Variants in AMDHD1 observed in about 807,000 individuals in gnomAD.
AMDHD1 encodes amidohydrolase domain containing 1.
Under a neutral mutation model 44.1 loss-of-function variants are expected in AMDHD1, and 45 were observed. The ratio of observed to expected loss-of-function variants is 1.02; its 90% CI spans 0.80 to 1.31. The LOEUF (loss-of-function observed/expected upper bound fraction) is 1.31. AMDHD1 is among the 50% of genes most tolerant of loss of function. The probability of loss-of-function intolerance (pLI) is 0.00; values close to 1 mark genes in which losing one functional copy is unlikely to be tolerated. For missense variants in AMDHD1, 586 were observed against 552.1 expected (o/e 1.06, Z -0.61); for synonymous variants, 206 against 205.0 (o/e 1.00, Z -0.04).
At position 95,966,329 on chromosome 12, in the gene AMDHD1, T is replaced by A. The variant is rs1289045535; in HGVS notation, c.1033-19T>A. 6.2e-7 allele frequency: 1 copy of A among 1,612,402 alleles called. No individual in the cohort carries two copies. The highest frequency in any genetic ancestry group is 8.5e-7 in the Non-Finnish European group (1 of 1,178,680). Reference sequence around the variant, plus strand: ...GCCATATGTCACTTTCCTCCAACACTTTTCTCTTCCTGCCTTAGCCAATGG... The same window carrying A: ...GCCATATGTCACTTTCCTCCAACACATTTCTCTTCCTGCCTTAGCCAATGG... On this transcript the variant is annotated intron_variant, in intron 7 of 8. Transcript: ENST00000266736.
In AMDHD1 at chr12:95,962,385, A is replaced by G; in HGVS notation, c.844A>G (p.Ser282Gly). Residue 282 changes from serine to glycine, a missense_variant, in exon 6 of 9, where the codon AGC (serine) becomes GGC (glycine). Physicochemically the swap from Ser to Gly is moderately conservative, Grantham distance 56. Coordinates refer to ENST00000266736, the MANE Select transcript of AMDHD1 (RefSeq NM_152435.3). ...GGCTGAACTGGGAGCGCAGGCAATC[A>G]GCCACCTGGAAGAAGTGAGTGATGA... ...LGAELGAQAI[S>G]HLEEVSDEGI... is the part of the protein sequence containing the mutation. The G allele has an allele frequency of 6.2e-7, 1 of 1,613,892 alleles. No homozygotes were observed. The highest frequency in any genetic ancestry group is 8.5e-7 in the Non-Finnish European group (1 of 1,179,904).
chr12:95,955,316 T>A (rs2080544738), intron 3 of AMDHD1, among the ~76,000 whole-genome samples: 1 of 152,212 alleles, frequency 6.6e-6, no homozygotes, highest in African/African-American at 2.4e-5. Context: ...AATATGTTAC[T>A]AATCACAAAA....
intron 1 of AMDHD1, among the ~76,000 whole-genome samples, chr12:95,948,340 G>A (rs2080510089): frequency 1.5e-5 from 1 of 68,546 alleles, no homozygotes; most frequent in African/African-American, 7.7e-5. Flanking sequence ...CCGGCCAGCC[G>A]CCCCGTCTGG....
intron 6 of AMDHD1, among the ~76,000 whole-genome samples, chr12:95,963,981 A>T (rs1471347177): frequency 6.7e-6 from 1 of 148,644 alleles, no homozygotes; most frequent in Non-Finnish European, 1.5e-5. Flanking sequence ...GGGAGCCAAG[A>T]TCATACCTCT....
chr12:95,961,991 T>C (rs1016884768), intron 5 of AMDHD1, among the ~76,000 whole-genome samples: 1 of 152,224 alleles, frequency 6.6e-6, no homozygotes, highest in African/African-American at 2.4e-5. Context: ...ATTTAGGCCA[T>C]GCTCGGTGGC....
At position 95,962,448 on chromosome 12, in the gene AMDHD1, A is replaced by G. The variant is rs139550888; in HGVS notation, c.907A>G (p.Ile303Val). The G allele has an allele frequency of 4.3e-6, 7 of 1,613,670 alleles. No individual in the cohort carries two copies. Among genetic ancestry groups the G allele is most frequent in the Admixed American group, 3.3e-5 (2 of 59,944 alleles). The change falls in exon 6 of 9, where the codon ATC becomes GTC. Residue 303 changes from isoleucine to valine, a missense_variant. Transcript: ENST00000266736. ...VAMATARCSAILLPTTAYMLR... is the reference protein window; with the variant it reads ...VAMATARCSAVLLPTTAYMLR... ...CATGGCAACGGCCAGGTGCTCTGCC[A>G]TCCTTCTGCCCACCACAGCCTACAT...
chr12:95,962,471 C>T lies in AMDHD1; in HGVS notation c.930C>T (p.Tyr310=). The T allele has an allele frequency of 6.2e-7, 1 of 1,603,552 alleles. No individual in the cohort carries two copies. Among genetic ancestry groups the T allele is most frequent in the Non-Finnish European group, 8.5e-7 (1 of 1,176,994 alleles). Residue 310 remains tyrosine (Y), a synonymous_variant, in exon 6 of 9, where the codon TAC becomes TAT. Transcript: ENST00000266736. ...CSAILLPTTA[Y]MLRLKQPRAR... The stretch of plus-strand genomic sequence containing the variant: ...CCATCCTTCTGCCCACCACAGCCTA[C>T]ATGCTGAGGTAAGGTCGTTTCTCAC...
intron 7 of AMDHD1, 53 bp from the exon 8 acceptor site, chr12:95,966,295 A>G: frequency 6.3e-7 from 1 of 1,598,398 alleles, no homozygotes; most frequent in Middle Eastern, 1.7e-4. Flanking sequence ...AATGTTTTAA[A>G]TTGCAGTTGC....
chr12:95,954,444 T>C (rs2080540000), intron 2 of AMDHD1, among the ~76,000 whole-genome samples: 5 of 151,916 alleles, frequency 3.3e-5, no homozygotes, highest in Admixed American at 3.3e-4. Context: ...GGTGCATGAC[T>C]ATAGTCCCAG....
intron 1 of AMDHD1, among the ~76,000 whole-genome samples, chr12:95,948,102 C>T (rs1592820776): frequency 8.1e-5 from 6 of 74,008 alleles, no homozygotes; most frequent in African/African-American, 3.0e-4. Flanking sequence ...TCTGCCCGGC[C>T]GCCCCTACTG....
At position 95,944,327 on chromosome 12, in the gene AMDHD1, TTTTATTTATTTA is replaced by T. The variant is rs34358106; in HGVS notation, c.137+828_137+839del. Among the ~76,000 whole-genome samples, 1,183 of 141,638 alleles carry T rather than the reference TTTTATTTATTTA, an allele frequency of 8.4e-3. 3 individuals are homozygous for T. Among genetic ancestry groups the T allele is most frequent in the Middle Eastern group, 0.011 (3 of 278 alleles). 92.9% of individuals were successfully genotyped at this position (141,638 alleles called of 152,430 possible). ...TTTAAGGGACTGTGGGTTGGTTTAA[TTTTATTTATTTA>T]TTTATTTATTTATTTATTTATTTAT... On this transcript the variant is annotated intron_variant, in intron 1 of 8. Coordinates refer to ENST00000266736, the MANE Select transcript of AMDHD1 (RefSeq NM_152435.3).
At chr12:95,955,125 A>G in intron 3 of AMDHD1, 150 bp downstream of exon 3, 1 of 753,972 alleles carries the variant, frequency 1.3e-6, no homozygotes, top group Non-Finnish European at 2.2e-6. Flanking sequence ...ACAAATGACA[A>G]CAAAACTTAT....
chr12:95,961,092 C>T (rs1473264748), intron 5 of AMDHD1, among the ~76,000 whole-genome samples: 1 of 142,690 alleles, frequency 7.0e-6, no homozygotes, highest in African/African-American at 2.7e-5. Flanking sequence ...TTGCAGTGAG[C>T]CGAGATCATG....
rs2080515048 is a variant in AMDHD1, at chr12:95,949,151, AAAAAAAAAG to A, written c.138-3557_138-3549del. Among the ~76,000 whole-genome samples, 6 of 18,552 alleles carry A rather than the reference AAAAAAAAAG, an allele frequency of 3.2e-4. 1 individual carries two copies. The highest frequency in any genetic ancestry group is 1.3e-3 in the Admixed American group (2 of 1,534). 12.2% of individuals were successfully genotyped at this position (18,552 alleles called of 152,430 possible). A position where few individuals can be genotyped will look rare whatever the true frequency, so the allele number is the denominator to read the frequency against. ...ATAAAAAAATAAATTAAAAAAAAAAAAAAAAAAAGAAAAAAAAAAAAAAAAAAGAGACTG... is the reference window on the plus strand; with the variant it reads ...ATAAAAAAATAAATTAAAAAAAAAAAAAAAAAAAAAAAAAAAAAGAGACTG... On this transcript the variant is annotated intron_variant, in intron 1 of 8. Transcript: ENST00000266736.
At chr12:95,953,105 A>G (rs2080532464) in intron 2 of AMDHD1, among the ~76,000 whole-genome samples, 1 of 152,240 alleles carries the variant, frequency 6.6e-6, no homozygotes, top group Non-Finnish European at 1.5e-5. Flanking sequence ...GTTCCTAAAC[A>G]GGAAACAGAC....
Position 95,962,355 on chromosome 12 carries a change from C to G in AMDHD1, c.814C>G (p.Leu272Val). The G allele has an allele frequency of 6.2e-7, 1 of 1,612,962 alleles. No homozygotes were observed. Among genetic ancestry groups the G allele is most frequent in the Non-Finnish European group, 8.5e-7 (1 of 1,179,274 alleles). ...TTCCCTCTCTGCCCATTCTCCTTAG[C>G]TTGGGGCTGAACTGGGAGCGCAGGC... ...DELHPMKAAE[L>V]GAELGAQAIS... The change falls in exon 6 of 9, where the codon CTT becomes GTT. Residue 272 changes from leucine (L) to valine (V), a missense_variant and splice_region_variant. Coordinates refer to ENST00000266736, the MANE Select transcript of AMDHD1 (RefSeq NM_152435.3).
In AMDHD1 at chr12:95,948,744, A is replaced by G. The variant is rs1340274378; in HGVS notation, c.138-3973A>G. Among the ~76,000 whole-genome samples, 4 of 60,450 alleles carry G rather than the reference A, an allele frequency of 6.6e-5. 2 individuals are homozygous for G. Among genetic ancestry groups the G allele is most frequent in the Non-Finnish European group, 1.1e-4 (4 of 35,078 alleles). The allele number at this position is 60,450 out of a possible 152,430, so 39.7% of individuals were successfully genotyped here. A position where few individuals can be genotyped will look rare whatever the true frequency, so the allele number is the denominator to read the frequency against. ...TCGGATGGTTGCCGTGTCTGTGTGG[A>G]AAGAAGTAGACATGGGAGACTTTTC... is the stretch of plus-strand genomic sequence containing the variant. On this transcript the variant is annotated intron_variant, in intron 1 of 8. Transcript: ENST00000266736.
intron 1 of AMDHD1, among the ~76,000 whole-genome samples, chr12:95,944,459 T>G (rs2080484137): frequency 1.3e-5 from 2 of 151,972 alleles, no homozygotes; most frequent in South Asian, 4.1e-4. Flanking sequence ...TGGAGTGCAG[T>G]GGCATGATCT....
intron 6 of AMDHD1, among the ~76,000 whole-genome samples, chr12:95,964,219 G>C (rs2080597282): frequency 6.6e-6 from 1 of 151,912 alleles, no homozygotes; most frequent in East Asian, 1.9e-4. Flanking sequence ...GGACCACAGG[G>C]GCAGTCGAAG....
Sources: gnomAD v4.1 joint callset for allele counts (sites outside exome capture counted in the v4.1 genomes callset) on GRCh38, gnomAD v4.1.1 for gene constraint, MANE v1.5 for transcripts, NCBI Gene and HGNC (gene_info 2026-07-23, HGNC 2026-07-21) for gene names.